Variants in IPO5 observed in about 807,000 individuals in gnomAD.
IPO5 encodes the protein importin 5, also known as importin-5.
IPO5 carries 18 observed loss-of-function variants against 143.3 expected under a neutral mutation model. The ratio of observed to expected loss-of-function variants is 0.13; its 90% CI spans 0.09 to 0.19. IPO5 has a LOEUF of 0.19. Ranked by LOEUF, IPO5 falls within the 10% of genes least tolerant of loss-of-function variation. The pLI is 1.00. For missense variants in IPO5, 1,013 were observed against 1,336.9 expected (o/e 0.76, Z 3.78); for synonymous variants, 477 against 465.7 (o/e 1.02, Z -0.31).
At chr13:97,982,711 T>C in intron 5 of IPO5, 128 bp downstream of exon 5, 2 of 659,324 alleles carry the variant, frequency 3.0e-6, no homozygotes, top group Non-Finnish European at 2.6e-6. Flanking sequence ...TTGTACTTAT[T>C]ATTTGCTAAA....
intron 18 of IPO5, 137 bp downstream of exon 18, chr13:98,008,279 A>AT: frequency 1.7e-6 from 1 of 574,000 alleles, no homozygotes; most frequent in Non-Finnish European, 3.1e-6. Flanking sequence ...TTCTTCACTG[A>AT]TTTTCCTTCT....
intron 11 of IPO5, 26 bp downstream of exon 11, chr13:97,993,251 T>A: frequency 6.2e-7 from 1 of 1,605,652 alleles, no homozygotes; most frequent in Non-Finnish European, 8.5e-7. Context: ...TCAGATAGTT[T>A]ATGTGTATTG....
At chr13:98,010,332 G>A in intron 20 of IPO5, 108 bp downstream of exon 20, 6 of 982,518 alleles carry the variant, frequency 6.1e-6, no homozygotes, top group Non-Finnish European at 8.9e-6. Flanking sequence ...CCAGTAATAT[G>A]TTCCTTAAAA....
chr13:97,983,775 C>T (rs1448206945), intron 5 of IPO5, among the ~76,000 whole-genome samples: 1 of 151,802 alleles, frequency 6.6e-6, no homozygotes, highest in Non-Finnish European at 1.5e-5. Flanking sequence ...TTATGTTTCA[C>T]CTGACTTCTT....
intron 3 of IPO5, among the ~76,000 whole-genome samples, chr13:97,972,121 G>C (rs1296941341): frequency 6.6e-6 from 1 of 152,124 alleles, no homozygotes; most frequent in Non-Finnish European, 1.5e-5. Flanking sequence ...GATATCAAGA[G>C]CATAGCGCTT....
At position 98,011,254 on chromosome 13, in the gene IPO5, A is replaced by G. The variant is rs1467670762; in HGVS notation, c.2056-992A>G. Among the ~76,000 whole-genome samples, 3 of 152,036 alleles carry G rather than the reference A, an allele frequency of 2.0e-5. No homozygotes were observed. In the East Asian group the frequency reaches 5.8e-4, roughly 29 times the overall value. On this transcript the variant is annotated intron_variant, in intron 20 of 28. Coordinates refer to ENST00000651721, the MANE Select transcript of IPO5 (RefSeq NM_002271.6). The stretch of plus-strand genomic sequence containing the variant: ...CTTTAGATGTAGTAGAAGAGAATGA[A>G]ACAATTGGGTTTTTGGGGTTTTTTT...
chr13:97,956,580 A>G (rs997387462), intron 2 of IPO5, among the ~76,000 whole-genome samples: 9 of 152,334 alleles, frequency 5.9e-5, no homozygotes, highest in Admixed American at 6.5e-5. Flanking sequence ...CGTATGCTTT[A>G]TAACCTATTA....
Position 98,012,224 on chromosome 13 carries a change from C to T in IPO5, c.2056-22C>T, listed in dbSNP as rs769374731. ...TGAAGACTAACATGAATCTTTATTTCCTCCCAATACTTTGGTTACAGGTTT... is the reference window on the plus strand; with the variant it reads ...TGAAGACTAACATGAATCTTTATTTTCTCCCAATACTTTGGTTACAGGTTT... On this transcript the variant is annotated intron_variant, in intron 20 of 28. Coordinates refer to ENST00000651721, the MANE Select transcript of IPO5 (RefSeq NM_002271.6). 14 of 1,374,036 alleles carry T rather than the reference C, an allele frequency of 1.0e-5. 1 individual carries two copies. The East Asian group carries it at 3.2e-4, about 31-fold the overall frequency. The allele number at this position is 1,374,036 out of a possible 1,614,324, so 85.1% of individuals were successfully genotyped here.
rs1884266805 is a variant in IPO5, at chr13:97,953,693, C to T, written c.-216C>T. ...GATTGATGACCTCCCACAACTGGAG[C>T]AGCCGGGAACAGCTCTGACCACAGT... On this transcript the variant is annotated 5_prime_UTR_variant, in exon 1 of 29. Coordinates refer to ENST00000651721, the MANE Select transcript of IPO5 (RefSeq NM_002271.6). 1 of 233,500 alleles carries T rather than the reference C, an allele frequency of 4.3e-6. No individual in the cohort carries two copies. The highest frequency in any genetic ancestry group is 4.8e-5 in the South Asian group (1 of 20,642). 14.5% of individuals were successfully genotyped at this position (233,500 alleles called of 1,614,324 possible). A position where few individuals can be genotyped will look rare whatever the true frequency, so the allele number is the denominator to read the frequency against.
chr13:97,996,922 G>A (rs1014590374), intron 11 of IPO5, among the ~76,000 whole-genome samples: 6 of 152,054 alleles, frequency 3.9e-5, no homozygotes, highest in African/African-American at 1.4e-4. Context: ...ACTATTTGAA[G>A]ATAGTAATAA....
At chr13:97,985,351 TA>T in intron 5 of IPO5, 69 bp from the exon 6 acceptor site, 1 of 1,281,302 alleles carries the variant, frequency 7.8e-7, no homozygotes, top group Non-Finnish European at 1.1e-6. Context: ...TTTTGAAATA[TA>T]AAAATACAAC....
chr13:98,004,421 G>T (rs1889047114), intron 16 of IPO5, among the ~76,000 whole-genome samples: 1 of 152,228 alleles, frequency 6.6e-6, no homozygotes. Context: ...GACCGAGGTG[G>T]ACCCAAGTTG....
chr13:97,969,812 C>T lies in IPO5; in HGVS notation c.-23C>T. ...GAGGATCAAGTTGGAAAACTAGAAG[C>T]AACAGAAAACACAATAAGGTAACTG... On this transcript the variant is annotated 5_prime_UTR_variant, in exon 3 of 29. Coordinates refer to ENST00000651721, the MANE Select transcript of IPO5 (RefSeq NM_002271.6). The T allele has an allele frequency of 6.2e-7, 1 of 1,611,912 alleles. No individual in the cohort carries two copies.
chr13:98,017,655 A>G (rs1890215507), intron 25 of IPO5, among the ~76,000 whole-genome samples: 1 of 152,130 alleles, frequency 6.6e-6, no homozygotes, highest in Non-Finnish European at 1.5e-5. Flanking sequence ...CAGGAGGTAC[A>G]GAGATTTCCC....
intron 26 of IPO5, among the ~76,000 whole-genome samples, 165 bp from the exon 27 acceptor site, chr13:98,019,416 C>G (rs562608812): frequency 1.3e-5 from 2 of 152,190 alleles, no homozygotes; most frequent in Non-Finnish European, 2.9e-5. Context: ...GGCAGTCCCC[C>G]CTCTGTTGCC....
chr13:98,005,926 GA>G (rs920999679), intron 16 of IPO5, among the ~76,000 whole-genome samples: 59 of 148,766 alleles, frequency 4.0e-4, no homozygotes, highest in Middle Eastern at 3.4e-3. Context: ...ATAGAAGAGA[GA>G]AAAAAAAAAT....
intron 3 of IPO5, among the ~76,000 whole-genome samples, chr13:97,972,749 C>CA (rs1265355002): frequency 2.0e-5 from 3 of 152,092 alleles, no homozygotes; most frequent in Non-Finnish European, 2.9e-5. Context: ...AAGCAAAACT[C>CA]AAAGTTTTCT....
At chr13:97,975,237 G>C (rs576486865) in intron 3 of IPO5, among the ~76,000 whole-genome samples, 1 of 131,134 alleles carries the variant, frequency 7.6e-6, no homozygotes, top group South Asian at 2.9e-4. Flanking sequence ...TTGGGAGGCC[G>C]AGGCGGGGGG....
At chr13:97,987,729 C>T (rs566557848) in intron 6 of IPO5, among the ~76,000 whole-genome samples, 2 of 152,280 alleles carry the variant, frequency 1.3e-5, no homozygotes, top group South Asian at 4.1e-4. Context: ...TCTCAAATGC[C>T]TGACCTCAAA....
Sources: gnomAD v4.1 joint callset for allele counts (sites outside exome capture counted in the v4.1 genomes callset) on GRCh38, gnomAD v4.1.1 for gene constraint, MANE v1.5 for transcripts, NCBI Gene and HGNC (gene_info 2026-07-23, HGNC 2026-07-21) for gene names.